DTNB: variants seen among roughly 807,000 people sequenced by gnomAD.
The protein encoded by DTNB is dystrobrevin beta.
In DTNB, 63 loss-of-function variants were observed where a neutral mutation model predicts 90.7. The observed-to-expected ratio is 0.69, with a 90% CI of 0.57 to 0.86. DTNB has a LOEUF of 0.86. Among genes scored for constraint, DTNB ranks in the 40% least tolerant of loss-of-function variants. DTNB has a pLI of 0.00. For synonymous variants in DTNB, 277 were observed against 286.7 expected, an observed-to-expected ratio of 0.97 and a Z score of 0.34; for missense variants, 744 against 807.1, an observed-to-expected ratio of 0.92 and a Z score of 0.95.
chr2:25,558,340 G>A, intron 8 of DTNB: 2 of 985,412 alleles, frequency 2.0e-6, no homozygotes, highest in Admixed American at 1.2e-4. Flanking sequence ...CTGGGTCACA[G>A]AGAACACAGT....
intron 19 of DTNB, chr2:25,383,566 C>T: frequency 1.7e-6 from 1 of 585,494 alleles, no homozygotes; most frequent in African/African-American, 1.9e-5. Flanking sequence ...GTCAAAGGGT[C>T]ATCTTTTGTG....
intron 9 of DTNB, among the ~76,000 whole-genome samples, chr2:25,515,544 C>G (rs2074914183): frequency 6.6e-6 from 1 of 152,012 alleles, no homozygotes; most frequent in Non-Finnish European, 1.5e-5. Context: ...TTTTCAACAA[C>G]TGGTGCTTAG....
At chr2:25,616,346 A>G (rs1224389202) in intron 4 of DTNB, among the ~76,000 whole-genome samples, 1 of 152,072 alleles carries the variant, frequency 6.6e-6, no homozygotes, top group Non-Finnish European at 1.5e-5. Context: ...CTTGTACAAC[A>G]TTTTCTTAAT....
rs188980076 is a variant in DTNB, at chr2:25,573,190, C to A, written c.876+3648G>T. 1.6e-3 allele frequency among the ~76,000 whole-genome samples: 242 copies of A among 152,038 alleles called. 2 individuals are homozygous for A. The highest frequency in any genetic ancestry group is 5.4e-3 in the African/African-American group (226 of 41,554). On this transcript the variant is annotated intron_variant, in intron 8 of 20. Transcript: ENST00000406818. Reference sequence around the variant, plus strand: ...TCAAACTCCTGACCTCAGATATCTGCCCGCCTTGGCCTCCCAAACTGCTCG... The same window carrying A: ...TCAAACTCCTGACCTCAGATATCTGACCGCCTTGGCCTCCCAAACTGCTCG...
intron 16 of DTNB, among the ~76,000 whole-genome samples, chr2:25,412,395 G>A (rs35602018): frequency 0.21 from 31,690 of 152,058 alleles, 3,829 homozygotes; most frequent in Non-Finnish European, 0.27. Context: ...AAGTTCTCTT[G>A]GCCAATTCCC....
intron 9 of DTNB, among the ~76,000 whole-genome samples, chr2:25,494,483 G>A (rs1301257071): frequency 1.3e-5 from 2 of 149,324 alleles, no homozygotes; most frequent in African/African-American, 4.9e-5. Flanking sequence ...GGGGGAGGAG[G>A]GGGGAGTGCG....
chr2:25,458,807 G>C (rs1441805332), intron 10 of DTNB, among the ~76,000 whole-genome samples: 1 of 152,100 alleles, frequency 6.6e-6, no homozygotes, highest in Non-Finnish European at 1.5e-5. Flanking sequence ...ACCAAGGCTG[G>C]CCAACTTTTT....
At chr2:25,537,060 T>C (rs1239552426) in intron 8 of DTNB, among the ~76,000 whole-genome samples, 1 of 152,160 alleles carries the variant, frequency 6.6e-6, no homozygotes, top group Admixed American at 6.5e-5. Flanking sequence ...AATTTTTAAT[T>C]TGTTTGTCCA....
At chr2:25,507,766 A>T (rs910322656) in intron 9 of DTNB, among the ~76,000 whole-genome samples, 1 of 152,144 alleles carries the variant, frequency 6.6e-6, no homozygotes, top group Non-Finnish European at 1.5e-5. Flanking sequence ...TCCTCTTGTC[A>T]CTTAGTCCTT....
chr2:25,456,850 G>A (rs548157589), intron 10 of DTNB, among the ~76,000 whole-genome samples: 1 of 152,116 alleles, frequency 6.6e-6, no homozygotes, highest in African/African-American at 2.4e-5. Flanking sequence ...TTACAGGTGT[G>A]AGCCACTGCG....
intron 8 of DTNB, among the ~76,000 whole-genome samples, chr2:25,544,498 C>G (rs1259535323): frequency 6.6e-6 from 1 of 152,116 alleles, no homozygotes; most frequent in Non-Finnish European, 1.5e-5. Context: ...ATTTTCACTT[C>G]CAATTACTCT....
chr2:25,416,253 C>G (rs1341022640), intron 16 of DTNB, among the ~76,000 whole-genome samples: 1 of 152,126 alleles, frequency 6.6e-6, no homozygotes, highest in Admixed American at 6.5e-5. Flanking sequence ...GCAGTAAATC[C>G]CTAAGGGGAA....
chr2:25,664,809 C>T (rs2084035957), intron 1 of DTNB, among the ~76,000 whole-genome samples: 1 of 152,102 alleles, frequency 6.6e-6, no homozygotes, highest in African/African-American at 2.4e-5. Context: ...AGTTGCAAAG[C>T]TAGGAATCTG....
At chr2:25,507,065 G>T (rs768069177) in intron 9 of DTNB, among the ~76,000 whole-genome samples, 3 of 152,146 alleles carry the variant, frequency 2.0e-5, no homozygotes, top group Non-Finnish European at 4.4e-5. Context: ...TAAGAAATAA[G>T]AAATTAGTAA....
At chr2:25,569,003 G>A (rs911960935) in intron 8 of DTNB, among the ~76,000 whole-genome samples, 12 of 152,170 alleles carry the variant, frequency 7.9e-5, no homozygotes, top group African/African-American at 1.2e-4. Context: ...AAGACACAGC[G>A]GCCAAGAGGT....
At chr2:25,509,604 T>C (rs1255102821) in intron 9 of DTNB, among the ~76,000 whole-genome samples, 3 of 152,136 alleles carry the variant, frequency 2.0e-5, no homozygotes, top group African/African-American at 7.2e-5. Flanking sequence ...TGGTTTCTAA[T>C]GTTGCTCTTC....
chr2:25,652,881 C>T, intron 1 of DTNB: 1 of 435,876 alleles, frequency 2.3e-6, no homozygotes, highest in Non-Finnish European at 4.0e-6. Flanking sequence ...CTTGTATGAG[C>T]TCATACACTT....
chr2:25,572,078 A>C (rs1018033535), intron 8 of DTNB, among the ~76,000 whole-genome samples: 2 of 152,266 alleles, frequency 1.3e-5, no homozygotes, highest in Middle Eastern at 3.4e-3. Flanking sequence ...AGTCCAATTC[A>C]GTCGGTGCAT....
intron 12 of DTNB, among the ~76,000 whole-genome samples, chr2:25,435,024 T>A (rs928901789): frequency 2.0e-5 from 3 of 150,670 alleles, no homozygotes; most frequent in African/African-American, 7.5e-5. Flanking sequence ...AATTCAGTAA[T>A]TTTTTTTCCT....
Sources: allele counts gnomAD v4.1 joint callset (sites outside exome capture counted in the v4.1 genomes callset), GRCh38; gene constraint gnomAD v4.1.1; transcripts MANE v1.5; gene names NCBI Gene and HGNC (gene_info 2026-07-23, HGNC 2026-07-21).